Variants in CCZ1 observed in about 807,000 individuals in gnomAD.
The protein encoded by CCZ1 is vacuolar fusion protein CCZ1 homolog.
In CCZ1, 19 loss-of-function variants were observed where a neutral mutation model predicts 57.8. The observed-to-expected ratio is 0.33, with a 90% CI of 0.23 to 0.48. The LOEUF is 0.48. Among genes scored for constraint, CCZ1 ranks in the 20% least tolerant of loss-of-function variants. The pLI, the probability that CCZ1 is intolerant of heterozygous loss-of-function variation, is 0.99. For synonymous variants in CCZ1, 81 were observed against 167.0 expected (o/e 0.49, Z 3.97); for missense variants, 200 against 492.0 (o/e 0.41, Z 5.61).
chr7:5,903,616 T>C (rs1318044845), intron 6 of CCZ1, among the ~76,000 whole-genome samples: 1 of 133,764 alleles, frequency 7.5e-6, no homozygotes, highest in African/African-American at 3.0e-5. Context: ...TTTCTGTTCT[T>C]GTCCTCATTT....
chr7:5,900,840 T>C lies in CCZ1; in HGVS notation c.313-15T>C. 1 of 1,280,188 alleles carries C rather than the reference T, an allele frequency of 7.8e-7. No homozygotes were observed. Among genetic ancestry groups the C allele is most frequent in the Non-Finnish European group, 1.1e-6 (1 of 928,680 alleles). 79.3% of individuals were successfully genotyped at this position (1,280,188 alleles called of 1,614,324 possible). A position where few individuals can be genotyped will look rare whatever the true frequency, so the allele number is the denominator to read the frequency against. On this transcript the variant is annotated splice_polypyrimidine_tract_variant and intron_variant, in intron 3 of 14. Coordinates refer to ENST00000325974, the MANE Select transcript of CCZ1 (RefSeq NM_015622.6). ...ATGAATTCATTGTATAATTTCAGTT[T>C]ATCAAACTTTGTAGGTTGTTCGGAA...
chr7:5,899,414 CAA>C (rs1358631732), intron 1 of CCZ1, among the ~76,000 whole-genome samples: 2 of 144,398 alleles, frequency 1.4e-5, no homozygotes, highest in Non-Finnish European at 3.1e-5. Flanking sequence ...GCGACTTTCT[CAA>C]AGGATGTCCG....
At chr7:5,922,755 G>A (rs1779267482) in intron 12 of CCZ1, among the ~76,000 whole-genome samples, 4 of 149,464 alleles carry the variant, frequency 2.7e-5, no homozygotes, top group Middle Eastern at 3.4e-3. Flanking sequence ...GGAAAGCTTC[G>A]TTACATAGTG....
chr7:5,908,928 C>A (rs1201743142), intron 7 of CCZ1, among the ~76,000 whole-genome samples: 2 of 147,384 alleles, frequency 1.4e-5, no homozygotes, highest in Non-Finnish European at 3.0e-5. Context: ...GACCTAGGAT[C>A]ACGTTCCCTG....
At chr7:5,899,309 G>T in intron 1 of CCZ1, among the ~76,000 whole-genome samples, 1 of 136,352 alleles carries the variant, frequency 7.3e-6, no homozygotes, top group African/African-American at 2.7e-5. Context: ...GCCCAAATGA[G>T]GAAATAAATT....
At chr7:5,902,798 G>A in intron 6 of CCZ1, 54 bp downstream of exon 6, 1 of 1,567,968 alleles carries the variant, frequency 6.4e-7, no homozygotes, top group Non-Finnish European at 8.6e-7. Flanking sequence ...CAGGTTTTTA[G>A]AGAAATATAG....
chr7:5,909,102 G>A (rs1294322831), intron 7 of CCZ1, among the ~76,000 whole-genome samples: 1 of 104,958 alleles, frequency 9.5e-6, no homozygotes, highest in South Asian at 3.3e-4. Context: ...CCAATCCCTT[G>A]TGACTTTTTT....
chr7:5,910,733 T>G (rs1297862844), intron 8 of CCZ1, among the ~76,000 whole-genome samples: 1 of 134,598 alleles, frequency 7.4e-6, no homozygotes, highest in African/African-American at 2.7e-5. Flanking sequence ...TTTATTTATT[T>G]ATTTATTTAT....
In CCZ1 at chr7:5,924,445, G is replaced by A. The variant is rs1337656701; in HGVS notation, c.1393+483G>A. 7.7e-5 allele frequency among the ~76,000 whole-genome samples: 7 copies of A among 91,240 alleles called. 1 individual carries two copies. Among genetic ancestry groups the A allele is most frequent in the Admixed American group, 7.1e-4 (6 of 8,458 alleles). 59.9% of individuals were successfully genotyped at this position (91,240 alleles called of 152,430 possible). A position where few individuals can be genotyped will look rare whatever the true frequency, so the allele number is the denominator to read the frequency against. On this transcript the variant is annotated intron_variant, in intron 14 of 14. Transcript: ENST00000325974. ...TTTTGAAACAGAGTCTTGCTCTGTC[G>A]CACAGGCTGGGCTCAAACTCCAGGC...
At chr7:5,899,334 G>GGTGTGTGTGTGTGTGTGTGTGTGTGT (rs869199583) in intron 1 of CCZ1, among the ~76,000 whole-genome samples, 2 of 12,556 alleles carry the variant, frequency 1.6e-4, no homozygotes, top group Non-Finnish European at 3.7e-4. Flanking sequence ...TCGGGAGGGG[G>GGTGTGTGTGTGTGTGTGTGTGTGTGT]GTGTGTGTGT....
In CCZ1 at chr7:5,925,824, T is replaced by A. The variant is rs1439666351; in HGVS notation, c.*137T>A. 10 of 1,423,948 alleles carry A rather than the reference T, an allele frequency of 7.0e-6. No homozygotes were observed. The African/African-American group carries it at 1.4e-4, about 20-fold the overall frequency. 88.2% of individuals were successfully genotyped at this position (1,423,948 alleles called of 1,614,324 possible). ...TTGCTTTGAAGAATCACATTTCGAC[T>A]CGGTCTGCTGATCTGAGGTTTTTAG... is the stretch of plus-strand genomic sequence containing the variant. On this transcript the variant is annotated 3_prime_UTR_variant, in exon 15 of 15. Transcript: ENST00000325974.
chr7:5,900,057 GT>G (rs1187412156), intron 1 of CCZ1, among the ~76,000 whole-genome samples: 5 of 150,964 alleles, frequency 3.3e-5, no homozygotes, highest in African/African-American at 1.2e-4. Context: ...TAATAGAGAC[GT>G]CTCACTGTGT....
chr7:5,912,376 CCTTTTTTTTTTTTTTTTTT>C (rs1021923357), intron 9 of CCZ1, among the ~76,000 whole-genome samples: 1 of 99,850 alleles, frequency 1.0e-5, no homozygotes, highest in African/African-American at 4.1e-5. Flanking sequence ...TTCAGCATAC[CCTTTTTTTTTTTTTTTTTT>C]TTTTTTTTTT....
chr7:5,912,036 C>G (rs968406742), intron 9 of CCZ1, 114 bp downstream of exon 9: 2 of 1,581,784 alleles, frequency 1.3e-6, no homozygotes, highest in African/African-American at 1.4e-5. Flanking sequence ...TCACTGCAAC[C>G]TCCGCCTCCC....
At chr7:5,900,226 C>T in intron 1 of CCZ1, 58 bp from the exon 2 acceptor site, 1 of 1,385,500 alleles carries the variant, frequency 7.2e-7, no homozygotes. Context: ...TTAGCGTTTT[C>T]AATAGCTAAG....
At chr7:5,908,995 T>G (rs1430680508) in intron 7 of CCZ1, among the ~76,000 whole-genome samples, 1 of 147,024 alleles carries the variant, frequency 6.8e-6, no homozygotes, top group Admixed American at 6.8e-5. Context: ...GGCATTACCA[T>G]ATAACCCAGG....
intron 6 of CCZ1, among the ~76,000 whole-genome samples, chr7:5,904,464 C>T (rs564641613): frequency 6.2e-5 from 9 of 144,584 alleles, no homozygotes; most frequent in African/African-American, 7.9e-5. Context: ...CGCCTAGACA[C>T]GAGAATCACG....
chr7:5,905,566 GAGGT>G lies in CCZ1; in HGVS notation c.698+298_698+301del, dbSNP rs1248729231. 2.2e-4 allele frequency among the ~76,000 whole-genome samples: 32 copies of G among 145,130 alleles called. 1 individual carries two copies. Among genetic ancestry groups the G allele is most frequent in the African/African-American group, 7.8e-4 (30 of 38,316 alleles). On this transcript the variant is annotated intron_variant, in intron 7 of 14. Transcript: ENST00000325974. The stretch of plus-strand genomic sequence containing the variant: ...TGGGAGGCTGAGGCGGGTGAATCAC[GAGGT>G]CAGGAGTTGGAGACCAGCCTGGTCA...
chr7:5,911,111 T>A (rs780145538), intron 8 of CCZ1, among the ~76,000 whole-genome samples: 16 of 148,928 alleles, frequency 1.1e-4, no homozygotes, highest in Non-Finnish European at 1.8e-4. Context: ...ACTTGTGTAG[T>A]CTTTTCCTCT....
Sources: allele counts gnomAD v4.1 joint callset (sites outside exome capture counted in the v4.1 genomes callset), GRCh38; gene constraint gnomAD v4.1.1; transcripts MANE v1.5; gene names NCBI Gene and HGNC (gene_info 2026-07-23, HGNC 2026-07-21).